KIR2DL4: variants seen among roughly 807,000 people sequenced by gnomAD.
KIR2DL4 encodes the protein killer cell immunoglobulin like receptor, two Ig domains and long cytoplasmic tail 4.
KIR2DL4 carries 41 observed loss-of-function variants against 31.0 expected under a neutral mutation model. The ratio of observed to expected loss-of-function variants is 1.32; its 90% CI spans 1.03 to 1.72. KIR2DL4 has a LOEUF of 1.72. Ranked by LOEUF, KIR2DL4 falls within the 40% of genes most tolerant of loss-of-function variation. The pLI is 0.00. For synonymous variants in KIR2DL4, 164 were observed against 133.6 expected, an observed-to-expected ratio of 1.23 and a Z score of -1.57; for missense variants, 438 against 353.7, an observed-to-expected ratio of 1.24 and a Z score of -1.91.
intron 5 of KIR2DL4, among the ~76,000 whole-genome samples, chr19:54,810,752 C>G (rs535594746): frequency 6.6e-6 from 1 of 150,854 alleles, no homozygotes; most frequent in African/African-American, 2.5e-5. Context: ...AGCCATTGGA[C>G]TTACCTCGGG....
At chr19:54,808,575 A>T (rs374438771) in intron 4 of KIR2DL4, among the ~76,000 whole-genome samples, 4 of 150,084 alleles carry the variant, frequency 2.7e-5, no homozygotes, top group African/African-American at 5.0e-5. Flanking sequence ...CTTTATGCCA[A>T]TGTCATGTTG....
At chr19:54,812,391 G>A (rs2060914256) in intron 5 of KIR2DL4, among the ~76,000 whole-genome samples, 2 of 151,426 alleles carry the variant, frequency 1.3e-5, no homozygotes, top group East Asian at 3.9e-4. Context: ...GAGCCACAGG[G>A]AACACTCAGC....
Position 54,803,984 on chromosome 19 carries a change from C to T in KIR2DL4, c.76+58C>T, listed in dbSNP as rs897393598. 1.1e-4 allele frequency: 159 copies of T among 1,491,712 alleles called. 10 individuals are homozygous for T. Among genetic ancestry groups the T allele is most frequent in the Middle Eastern group, 1.8e-4 (1 of 5,594 alleles). 92.4% of individuals were successfully genotyped at this position (1,491,712 alleles called of 1,614,324 possible). A position where few individuals can be genotyped will look rare whatever the true frequency, so the allele number is the denominator to read the frequency against. On this transcript the variant is annotated intron_variant, in intron 2 of 7. Coordinates refer to ENST00000359085, the Ensembl canonical transcript of KIR2DL4. ...TTCACCCCAATACAAGTGAATTTTC[C>T]AGAAATGGGAGGGAGGCAGCACAGA...
chr19:54,811,149 A>G (rs2060844039), intron 5 of KIR2DL4, among the ~76,000 whole-genome samples: 1 of 151,252 alleles, frequency 6.6e-6, no homozygotes, highest in Non-Finnish European at 1.5e-5. Flanking sequence ...CTGTAACCCA[A>G]CATTTTGGGA....
rs1490200456 is a variant in KIR2DL4 at position 54,807,796 on chromosome 19, T to C, written c.656-1037T>C. ...CTCCTCTGTAATGGCTGTATTAATT[T>C]ACATTCCTATCAACAGTGTATTAGG... On this transcript the variant is annotated intron_variant, in intron 4 of 7. Coordinates refer to ENST00000359085, the Ensembl canonical transcript of KIR2DL4. Among the ~76,000 whole-genome samples, 2 of 148,824 alleles carry C rather than the reference T, an allele frequency of 1.3e-5. 1 individual carries two copies. The highest frequency in any genetic ancestry group is 3.0e-5 in the Non-Finnish European group (2 of 67,650).
chr19:54,803,621 G>A (rs2060313139), exon 1 of KIR2DL4: 8 of 1,612,146 alleles, frequency 5.0e-6, no homozygotes, highest in Middle Eastern at 1.7e-4. Context: ...GTCGAGCCGA[G>A]TCACTGCGTC....
chr19:54,808,521 T>A (rs2147929069), intron 4 of KIR2DL4, among the ~76,000 whole-genome samples: 1 of 150,270 alleles, frequency 6.7e-6, no homozygotes, highest in Admixed American at 6.6e-5. Context: ...ATGGGTGGAT[T>A]ACATCCGTGT....
exon 4 of KIR2DL4, chr19:54,806,142 G>A (rs977740939): frequency 4.3e-6 from 7 of 1,611,930 alleles, no homozygotes; most frequent in South Asian, 1.1e-5. Flanking sequence ...CTTCCCTCTG[G>A]GTCCTGCCAC....
chr19:54,813,541 A>C, intron 6 of KIR2DL4, 149 bp from the exon 6 acceptor site: 2 of 835,678 alleles, frequency 2.4e-6, no homozygotes, highest in Non-Finnish European at 3.9e-6. Context: ...GGGGTCTTGC[A>C]CTCAGAGAGA....
At chr19:54,810,827 T>C (rs1248550906) in intron 5 of KIR2DL4, among the ~76,000 whole-genome samples, 1 of 151,340 alleles carries the variant, frequency 6.6e-6, no homozygotes, top group Non-Finnish European at 1.5e-5. Context: ...CCCAGGTGCA[T>C]AACTGGAATC....
At chr19:54,806,701 T>A (rs2147907755) in intron 4 of KIR2DL4, among the ~76,000 whole-genome samples, 1 of 151,240 alleles carries the variant, frequency 6.6e-6, no homozygotes, top group Non-Finnish European at 1.5e-5. Flanking sequence ...AAGTGTAAAA[T>A]CTAGGGATCA....
exon 6 of KIR2DL4, chr19:54,813,190 C>G: frequency 6.5e-7 from 1 of 1,537,170 alleles, no homozygotes; most frequent in African/African-American, 1.8e-5. Context: ...TACCATCCTT[C>G]CCTTCTTTCT....
exon 3 of KIR2DL4, chr19:54,804,911 A>C (rs2060412268): frequency 6.2e-6 from 10 of 1,612,364 alleles, no homozygotes; most frequent in Non-Finnish European, 8.5e-6. Flanking sequence ...TGTACAAGAA[A>C]GATGGGGTCC....
At chr19:54,805,851 C>A in intron 3 of KIR2DL4, 100 bp from the exon 4 acceptor site, 5 of 871,688 alleles carry the variant, frequency 5.7e-6, no homozygotes, top group Admixed American at 2.5e-5. Flanking sequence ...AGAGAGAGAG[C>A]ACTAGGCCAT....
exon 7 of KIR2DL4, chr19:54,813,740 G>C: frequency 6.2e-7 from 1 of 1,611,876 alleles, no homozygotes; most frequent in Non-Finnish European, 8.5e-7. Flanking sequence ...AGTGAACAGG[G>C]AGGTAGGTCC....
chr19:54,804,840 C>G, exon 3 of KIR2DL4: 5 of 1,612,318 alleles, frequency 3.1e-6, no homozygotes, highest in Non-Finnish European at 4.2e-6. Flanking sequence ...CGCTGTGGTG[C>G]CTCAAGGAGG....
At position 54,806,376 on chromosome 19, in the gene KIR2DL4, G is replaced by A. The variant is rs960659363; in HGVS notation, c.655+132G>A. The stretch of plus-strand genomic sequence containing the variant: ...CAGCATGGTGTGAGGGTGGGATCAG[G>A]GCACAGGATGGCAGACAGGGCACCT... On this transcript the variant is annotated intron_variant, in intron 4 of 7. Transcript: ENST00000359085. 122 of 1,029,306 alleles carry A rather than the reference G, an allele frequency of 1.2e-4. 1 individual carries two copies. The highest frequency in any genetic ancestry group is 1.6e-4 in the Non-Finnish European group (111 of 699,600). 63.8% of individuals were successfully genotyped at this position (1,029,306 alleles called of 1,614,324 possible).
At position 54,813,124 on chromosome 19, in the gene KIR2DL4, G is replaced by C. The variant is rs759146627; in HGVS notation, c.707-1G>C. ...CTTATTGGATTCCCATCTTCCTCCA[G>C]GTATCGCCAGACACCTGCATGCTGT... On this transcript the variant is annotated splice_acceptor_variant, in intron 5 of 7. Coordinates refer to ENST00000359085, the Ensembl canonical transcript of KIR2DL4. LOFTEE classifies it high-confidence loss of function. 6.9e-7 allele frequency: 1 copy of C among 1,459,488 alleles called. No homozygotes were observed. The highest frequency in any genetic ancestry group is 1.9e-4 in the Middle Eastern group (1 of 5,380). The allele number at this position is 1,459,488 out of a possible 1,614,324, so 90.4% of individuals were successfully genotyped here.
chr19:54,805,896 G>A (rs2060487206), intron 3 of KIR2DL4, 55 bp from the exon 4 acceptor site: 2 of 1,478,448 alleles, frequency 1.4e-6, no homozygotes, highest in African/African-American at 1.4e-5. Context: ...TCAGGTGGGA[G>A]GGGAGCTGTG....
Sources: allele counts gnomAD v4.1 joint callset (sites outside exome capture counted in the v4.1 genomes callset), GRCh38; gene constraint gnomAD v4.1.1; transcripts MANE v1.5; gene names NCBI Gene and HGNC (gene_info 2026-07-23, HGNC 2026-07-21).